Variants in SLC9A9 observed in about 807,000 individuals in gnomAD.
The protein encoded by SLC9A9 is solute carrier family 9 member A9, also known as sodium/hydrogen exchanger 9.
In SLC9A9, 62 loss-of-function variants were observed where a neutral mutation model predicts 77.8. The ratio of observed to expected loss-of-function variants is 0.80; its 90% CI spans 0.65 to 0.98. The LOEUF (loss-of-function observed/expected upper bound fraction) is 0.98. Ranked by LOEUF, SLC9A9 falls within the 50% of genes least tolerant of loss-of-function variation. The pLI, the probability that SLC9A9 is intolerant of heterozygous loss-of-function variation, is 0.00. For synonymous variants in SLC9A9, 320 were observed against 283.5 expected, an observed-to-expected ratio of 1.13 and a Z score of -1.29; for missense variants, 775 against 774.9, an observed-to-expected ratio of 1.00 and a Z score of 0.00.
At chr3:143,591,084 G>A (rs148889853) in intron 6 of SLC9A9, among the ~76,000 whole-genome samples, 171 of 152,278 alleles carry the variant, frequency 1.1e-3, no homozygotes, top group African/African-American at 4.0e-3. Flanking sequence ...ACAGCTGCCT[G>A]AGACGGCCTG....
chr3:143,518,166 C>T (rs532034834), intron 9 of SLC9A9: 69 of 1,599,928 alleles, frequency 4.3e-5, no homozygotes, highest in East Asian at 3.1e-4. Flanking sequence ...GTGTGCAGAA[C>T]GCTCGGATCC....
intron 14 of SLC9A9, among the ~76,000 whole-genome samples, chr3:143,289,608 C>T (rs1180563804): frequency 6.6e-6 from 1 of 152,268 alleles, no homozygotes; most frequent in East Asian, 1.9e-4. Flanking sequence ...GCACAACAGT[C>T]AATCCATCCA....
At chr3:143,726,005 T>C (rs902695891) in intron 4 of SLC9A9, among the ~76,000 whole-genome samples, 1 of 152,104 alleles carries the variant, frequency 6.6e-6, no homozygotes, top group African/African-American at 2.4e-5. Context: ...GCCTTATGTA[T>C]TCACCTATTG....
chr3:143,328,027 A>G (rs2031653947), intron 14 of SLC9A9, among the ~76,000 whole-genome samples: 1 of 152,168 alleles, frequency 6.6e-6, no homozygotes, highest in Non-Finnish European at 1.5e-5. Flanking sequence ...AGTACTATCT[A>G]TTTTCTCTGC....
intron 12 of SLC9A9, among the ~76,000 whole-genome samples, chr3:143,434,399 T>C (rs980235329): frequency 2.0e-5 from 3 of 152,208 alleles, no homozygotes; most frequent in African/African-American, 7.2e-5. Flanking sequence ...TTTTTGCTTA[T>C]TTGATAATTC....
At chr3:143,532,968 T>C (rs1347225362) in intron 9 of SLC9A9, among the ~76,000 whole-genome samples, 1 of 152,184 alleles carries the variant, frequency 6.6e-6, no homozygotes, top group Non-Finnish European at 1.5e-5. Context: ...GGTCCTTTGT[T>C]ATATAGCCCC....
At position 143,693,249 on chromosome 3, in the gene SLC9A9, C is replaced by T; in HGVS notation, c.592G>A (p.Asp198Asn). The T allele has an allele frequency of 6.2e-7, 1 of 1,613,332 alleles. No homozygotes were observed. Among genetic ancestry groups the T allele is most frequent in the South Asian group, 1.1e-5 (1 of 91,064 alleles). The change falls in exon 5 of 16, where the codon GAC becomes AAC. Residue 198 changes from aspartate to asparagine, a missense_variant. Asp to Asn is a conservative substitution (Grantham distance 23). Coordinates refer to ENST00000316549, the MANE Select transcript of SLC9A9 (RefSeq NM_173653.4). The part of the protein sequence containing the change: ...MIHAGQLKNG[D>N]FHFTDCLFFG... The stretch of plus-strand genomic sequence containing the variant: ...AATAAACAGTCAGTGAAATGAAAGT[C>T]TCCATTTTTCAGCTGGCCAGCATGT...
At chr3:143,822,115 C>A (rs777179962) in intron 2 of SLC9A9, among the ~76,000 whole-genome samples, 4 of 152,248 alleles carry the variant, frequency 2.6e-5, no homozygotes, top group Non-Finnish European at 4.4e-5. Flanking sequence ...CTGAATCCAA[C>A]TGAGAATGAC....
intron 14 of SLC9A9, among the ~76,000 whole-genome samples, chr3:143,291,936 G>A (rs902557909): frequency 2.6e-5 from 4 of 152,236 alleles, no homozygotes; most frequent in African/African-American, 9.6e-5. Context: ...TCCAGCTGGA[G>A]GGGCTCTCAC....
At chr3:143,313,605 T>C (rs1440169353) in intron 14 of SLC9A9, among the ~76,000 whole-genome samples, 1 of 152,192 alleles carries the variant, frequency 6.6e-6, no homozygotes, top group African/African-American at 2.4e-5. Flanking sequence ...CCCTGAATCC[T>C]CCCTAAATAT....
intron 6 of SLC9A9, among the ~76,000 whole-genome samples, chr3:143,584,113 C>A (rs2037501440): frequency 6.6e-6 from 1 of 152,164 alleles, no homozygotes; most frequent in South Asian, 2.1e-4. Flanking sequence ...CAACAATGCC[C>A]TCCCCTCTGT....
intron 5 of SLC9A9, among the ~76,000 whole-genome samples, chr3:143,664,838 G>A (rs1003176011): frequency 2.0e-5 from 3 of 152,174 alleles, no homozygotes; most frequent in Non-Finnish European, 4.4e-5. Context: ...CATAAAGCAA[G>A]TCCTTAGAGA....
rs578250122 is a variant in SLC9A9, at chr3:143,785,806, A to G, written c.533+9195T>C. On this transcript the variant is annotated intron_variant, in intron 4 of 15. Coordinates refer to ENST00000316549, the MANE Select transcript of SLC9A9 (RefSeq NM_173653.4). ...ATGACTATGTCTGAGGGTACTGAAG[A>G]ATAAAGGTGAGCTGAGTAATTCTAA... 2.5e-4 allele frequency among the ~76,000 whole-genome samples: 38 copies of G among 151,646 alleles called. No homozygotes were observed. In the South Asian group the frequency reaches 4.4e-3, roughly 17 times the overall value.
intron 4 of SLC9A9, among the ~76,000 whole-genome samples, chr3:143,781,256 G>C (rs1401746743): frequency 6.6e-6 from 1 of 152,102 alleles, no homozygotes; most frequent in Non-Finnish European, 1.5e-5. Context: ...GTCTATTCTA[G>C]TAATAAAAAT....
At chr3:143,711,329 G>T (rs1400667148) in intron 4 of SLC9A9, among the ~76,000 whole-genome samples, 1 of 151,892 alleles carries the variant, frequency 6.6e-6, no homozygotes, top group Non-Finnish European at 1.5e-5. Flanking sequence ...ATAATAATAG[G>T]TTTTACTCAC....
intron 4 of SLC9A9, among the ~76,000 whole-genome samples, chr3:143,700,315 T>A (rs1933760180): frequency 6.6e-6 from 1 of 152,024 alleles, no homozygotes; most frequent in Non-Finnish European, 1.5e-5. Context: ...GAGGGAAAAG[T>A]AGAAGGTATT....
chr3:143,608,714 T>C (rs772875876), intron 6 of SLC9A9, among the ~76,000 whole-genome samples: 4 of 152,162 alleles, frequency 2.6e-5, no homozygotes, highest in Non-Finnish European at 5.9e-5. Context: ...ATATTGCTTA[T>C]GGGTACAGAC....
rs79794400 is a variant in SLC9A9 at position 143,464,397 on chromosome 3, G to T, written c.1469+2640C>A. Among the ~76,000 whole-genome samples the T allele has an allele frequency of 8.0e-4, 122 of 152,304 alleles. No individual in the cohort carries two copies. The East Asian group carries it at 0.013, about 17-fold the overall frequency. Reference sequence around the variant, plus strand: ...AAGTGGAGCATATGATGGTATCACTGCAAGTTAGTGTGTATTTGTATACAC... The same window carrying T: ...AAGTGGAGCATATGATGGTATCACTTCAAGTTAGTGTGTATTTGTATACAC... On this transcript the variant is annotated intron_variant, in intron 12 of 15. Transcript: ENST00000316549.
chr3:143,552,248 A>C, intron 9 of SLC9A9, 114 bp downstream of exon 9: 1 of 732,920 alleles, frequency 1.4e-6, no homozygotes, highest in Non-Finnish European at 2.2e-6. Context: ...ATGAAGCCTT[A>C]AGCTTACATT....
Sources: gnomAD v4.1 joint callset for allele counts (sites outside exome capture counted in the v4.1 genomes callset) on GRCh38, gnomAD v4.1.1 for gene constraint, MANE v1.5 for transcripts, NCBI Gene and HGNC (gene_info 2026-07-23, HGNC 2026-07-21) for gene names.